The following MORC3 variants were observed in gnomAD, a reference collection of about 807,000 sequenced individuals.
MORC3 encodes MORC family CW-type zinc finger protein 3.
A neutral mutation model predicts 109.1 loss-of-function variants in MORC3; 31 were observed. That is an observed-to-expected ratio of 0.28 (90% CI 0.21 to 0.38). The LOEUF is 0.38. MORC3 is among the 10% of genes least tolerant of loss of function. The probability of loss-of-function intolerance (pLI) is 1.00; values close to 1 mark genes in which losing one functional copy is unlikely to be tolerated. For missense variants in MORC3, 867 were observed against 1,135.8 expected (o/e 0.76, Z 3.40); for synonymous variants, 395 against 380.7 (o/e 1.04, Z -0.44).
At chr21:36,338,019 CCTT>C in intron 4 of MORC3, 73 bp downstream of exon 4, 1 of 1,494,778 alleles carries the variant, frequency 6.7e-7, no homozygotes, top group Non-Finnish European at 9.2e-7. Flanking sequence ...TATGTTTTTG[CCTT>C]CTTCCAGATT....
chr21:36,321,098 G>C (rs1490416771), intron 1 of MORC3, among the ~76,000 whole-genome samples: 1 of 152,156 alleles, frequency 6.6e-6, no homozygotes, highest in Non-Finnish European at 1.5e-5. Context: ...GTTGACTTTT[G>C]CCAAAGAATG....
chr21:36,360,299 A>C, intron 12 of MORC3, 41 bp downstream of exon 12: 1 of 1,548,988 alleles, frequency 6.5e-7, no homozygotes. Context: ...TAATGCCCAG[A>C]TCATGAACAG....
intron 10 of MORC3, among the ~76,000 whole-genome samples, chr21:36,359,336 A>C (rs942391471): frequency 5.3e-5 from 8 of 152,146 alleles, no homozygotes; most frequent in Admixed American, 2.0e-4. Flanking sequence ...GGGTCTCACT[A>C]TGTTGCCCAG....
At chr21:36,334,248 G>GA (rs2085350357) in intron 2 of MORC3, among the ~76,000 whole-genome samples, 1 of 151,264 alleles carries the variant, frequency 6.6e-6, no homozygotes, top group Admixed American at 6.6e-5. Flanking sequence ...GACAAAGCAA[G>GA]AAAAAAAACA....
intron 8 of MORC3, among the ~76,000 whole-genome samples, chr21:36,348,581 G>T (rs1325134051): frequency 1.3e-5 from 2 of 152,058 alleles, no homozygotes; most frequent in Non-Finnish European, 2.9e-5. Flanking sequence ...CTAATTTTTT[G>T]TATTTTTAGT....
intron 5 of MORC3, 50 bp from the exon 6 acceptor site, chr21:36,341,349 A>T: frequency 6.5e-7 from 1 of 1,528,932 alleles, no homozygotes; most frequent in Non-Finnish European, 8.9e-7. Flanking sequence ...TTGCTGGCTT[A>T]TCTTGCTGTG....
rs1318721431 is a variant in MORC3, at chr21:36,333,702, A to G, written c.96A>G (p.Ala32=). 2 of 1,611,596 alleles carry G rather than the reference A, an allele frequency of 1.2e-6. No homozygotes were observed. The highest frequency in any genetic ancestry group is 1.7e-6 in the Non-Finnish European group (2 of 1,178,066). ...NSTSHTWPFS[A]VAELIDNAYD... ...CTAGTCACACCTGGCCATTCAGTGCAGTTGCTGAATTAATAGGTATGTAGT... is the reference window on the plus strand; with the variant it reads ...CTAGTCACACCTGGCCATTCAGTGCGGTTGCTGAATTAATAGGTATGTAGT... Residue 32 remains alanine (A), a synonymous_variant, in exon 2 of 17, where the codon GCA becomes GCG. Coordinates refer to ENST00000400485, the MANE Select transcript of MORC3 (RefSeq NM_015358.3).
At chr21:36,340,067 A>G (rs952936119) in intron 5 of MORC3, among the ~76,000 whole-genome samples, 5 of 152,138 alleles carry the variant, frequency 3.3e-5, no homozygotes, top group African/African-American at 1.2e-4. Context: ...TCATGAGGTC[A>G]GGAGATCGAG....
At chr21:36,325,768 C>T (rs1349551770) in intron 1 of MORC3, among the ~76,000 whole-genome samples, 1 of 152,140 alleles carries the variant, frequency 6.6e-6, no homozygotes, top group African/African-American at 2.4e-5. Flanking sequence ...TTCATAAATT[C>T]TAAACTGTGC....
intron 12 of MORC3, 109 bp from the exon 13 acceptor site, chr21:36,362,074 T>C: frequency 6.1e-6 from 7 of 1,139,598 alleles, no homozygotes; most frequent in Non-Finnish European, 9.1e-6. Context: ...TTGATTATAT[T>C]GAAATAGAAG....
At chr21:36,361,266 T>C (rs118026932) in intron 12 of MORC3, among the ~76,000 whole-genome samples, 3,750 of 151,426 alleles carry the variant, frequency 0.025, 65 homozygotes, top group Admixed American at 0.046. Context: ...CTATGTGGGC[T>C]GGTGTGGTGG....
chr21:36,341,168 CTGTTTTCCTGAG>C lies in MORC3; in HGVS notation c.609-221_609-210del, dbSNP rs945846650. ...ATTTTATTTTCTAAGAAATGCCAGA[CTGTTTTCCTGAG>C]TGTTTTCCTACCAGCAGTGTATGAG... On this transcript the variant is annotated intron_variant, in intron 5 of 16. Coordinates refer to ENST00000400485, the MANE Select transcript of MORC3 (RefSeq NM_015358.3). 9.7e-4 allele frequency among the ~76,000 whole-genome samples: 148 copies of C among 152,298 alleles called. 1 individual carries two copies. The highest frequency in any genetic ancestry group is 3.9e-3 in the East Asian group (20 of 5,188).
In MORC3 at chr21:36,320,263, A is replaced by G; in HGVS notation, c.-2A>G. 2 of 1,578,044 alleles carry G rather than the reference A, an allele frequency of 1.3e-6. No individual in the cohort carries two copies. Among genetic ancestry groups the G allele is most frequent in the Non-Finnish European group, 1.7e-6 (2 of 1,163,392 alleles). On this transcript the variant is annotated 5_prime_UTR_variant, in exon 1 of 17. Transcript: ENST00000400485. ...CGTTCCTGGCTTTGTAGCTCGCTCA[A>G]GATGGCGGCGCAGCCACCCCGCGGG...
intron 1 of MORC3, among the ~76,000 whole-genome samples, chr21:36,326,733 A>T (rs918312243): frequency 2.0e-5 from 3 of 151,726 alleles, no homozygotes; most frequent in African/African-American, 7.3e-5. Flanking sequence ...CGGTTCATCC[A>T]TGTTGTAGTG....
intron 5 of MORC3, among the ~76,000 whole-genome samples, chr21:36,340,443 G>A (rs1222823679): frequency 1.3e-5 from 2 of 151,860 alleles, no homozygotes; most frequent in East Asian, 1.9e-4. Flanking sequence ...TCCTTAATCC[G>A]TGGCAACCTC....
At chr21:36,333,844 G>T (rs867156328) in intron 2 of MORC3, 126 bp downstream of exon 2, 4 of 718,988 alleles carry the variant, frequency 5.6e-6, no homozygotes, top group Non-Finnish European at 9.1e-6. Context: ...GTGCAGTGGC[G>T]CAGTCTCGGC....
At chr21:36,340,705 C>T (rs1041583745) in intron 5 of MORC3, among the ~76,000 whole-genome samples, 3 of 142,424 alleles carry the variant, frequency 2.1e-5, no homozygotes, top group African/African-American at 2.6e-5. Flanking sequence ...AGCGCCATCT[C>T]GGCTCACTGC....
chr21:36,372,722 CT>C (rs1374939728), intron 16 of MORC3, among the ~76,000 whole-genome samples, 191 bp downstream of exon 16: 1 of 151,954 alleles, frequency 6.6e-6, no homozygotes, highest in Non-Finnish European at 1.5e-5. Context: ...GTTTCTGACC[CT>C]TTAGGTTCTA....
chr21:36,337,903 A>G lies in MORC3; in HGVS notation c.417A>G (p.Lys139=). Residue 139 remains lysine (K), a synonymous_variant, in exon 4 of 17, where the codon AAA becomes AAG. Coordinates refer to ENST00000400485, the MANE Select transcript of MORC3 (RefSeq NM_015358.3). ...LLSQTYLEVI[K]AEHVVVPIVA... ...CTCAGACCTACTTGGAAGTCATAAA[A>G]GCGGAGCATGTTGTTGTTCCAATAG... 1.2e-6 allele frequency: 2 copies of G among 1,614,196 alleles called. No individual in the cohort carries two copies. The highest frequency in any genetic ancestry group is 1.7e-6 in the Non-Finnish European group (2 of 1,180,036).
Sources: allele counts gnomAD v4.1 joint callset (sites outside exome capture counted in the v4.1 genomes callset), GRCh38; gene constraint gnomAD v4.1.1; transcripts MANE v1.5; gene names NCBI Gene and HGNC (gene_info 2026-07-23, HGNC 2026-07-21).